The following TRPC7 variants were observed in gnomAD, a reference collection of about 807,000 sequenced individuals.
TRPC7 encodes the protein transient receptor potential cation channel subfamily C member 7, also known as short transient receptor potential channel 7.
In TRPC7, 42 loss-of-function variants were observed where a neutral mutation model predicts 90.1. The observed-to-expected ratio is 0.47, with a 90% CI of 0.36 to 0.60. The LOEUF is 0.60. Ranked by LOEUF, TRPC7 falls within the 20% of genes least tolerant of loss-of-function variation. The pLI is 0.00. For synonymous variants in TRPC7, 451 were observed against 436.3 expected, an observed-to-expected ratio of 1.03 and a Z score of -0.42; for missense variants, 955 against 1,112.3, an observed-to-expected ratio of 0.86 and a Z score of 2.01.
At chr5:136,309,285 C>A (rs888504048) in intron 3 of TRPC7, among the ~76,000 whole-genome samples, 5 of 152,138 alleles carry the variant, frequency 3.3e-5, no homozygotes, top group Non-Finnish European at 7.3e-5. Flanking sequence ...AGATCTTTCA[C>A]TTTTATTAAA....
At chr5:136,323,965 AT>A (rs1405260398) in intron 2 of TRPC7, among the ~76,000 whole-genome samples, 1 of 152,114 alleles carries the variant, frequency 6.6e-6, no homozygotes, top group East Asian at 1.9e-4. Flanking sequence ...TACTTCTCTT[AT>A]TTAGGTGTTC....
At chr5:136,356,315 A>G (rs1444953438) in intron 2 of TRPC7, among the ~76,000 whole-genome samples, 1 of 152,250 alleles carries the variant, frequency 6.6e-6, no homozygotes, top group Non-Finnish European at 1.5e-5. Flanking sequence ...AGGCATTGAC[A>G]TCAGAACCAC....
At chr5:136,234,822 G>A (rs1755936419) in intron 7 of TRPC7, among the ~76,000 whole-genome samples, 1 of 152,200 alleles carries the variant, frequency 6.6e-6, no homozygotes, top group Non-Finnish European at 1.5e-5. Context: ...TGGACTAACT[G>A]AATAGACTAA....
intron 3 of TRPC7, among the ~76,000 whole-genome samples, chr5:136,294,552 C>G (rs914977829): frequency 9.9e-5 from 15 of 152,048 alleles, no homozygotes; most frequent in Admixed American, 5.9e-4. Flanking sequence ...CTCATCATCC[C>G]TGGCCATCAG....
At chr5:136,327,248 G>C (rs189394371) in intron 2 of TRPC7, among the ~76,000 whole-genome samples, 2 of 152,250 alleles carry the variant, frequency 1.3e-5, no homozygotes, top group African/African-American at 4.8e-5. Flanking sequence ...AGAGATAATG[G>C]GTGATATAAT....
chr5:136,266,161 T>A, intron 5 of TRPC7, 59 bp downstream of exon 5: 1 of 1,476,832 alleles, frequency 6.8e-7, no homozygotes, highest in African/African-American at 1.4e-5. Context: ...GAAATCAGAG[T>A]TTAATAATGT....
At chr5:136,290,390 T>C (rs2149823945) in intron 3 of TRPC7, among the ~76,000 whole-genome samples, 1 of 152,116 alleles carries the variant, frequency 6.6e-6, no homozygotes, top group East Asian at 1.9e-4. Flanking sequence ...GTTAAAACTT[T>C]GAAAAAAAAT....
rs550087002 is a variant in TRPC7 at position 136,274,949 on chromosome 5, G to T, written c.964-112C>A. On this transcript the variant is annotated intron_variant, in intron 3 of 11. Transcript: ENST00000513104. ...CTGGGGGCTGAAATGCTCCACCTGG[G>T]GGGTGGTTGAGGAACCTGCAGTGGG... The T allele has an allele frequency of 6.0e-4, 777 of 1,289,174 alleles. 1 individual carries two copies. The highest frequency in any genetic ancestry group is 7.4e-4 in the Non-Finnish European group (712 of 962,120). The allele number at this position is 1,289,174 out of a possible 1,614,324, so 79.9% of individuals were successfully genotyped here. A position where few individuals can be genotyped will look rare whatever the true frequency, so the allele number is the denominator to read the frequency against.
Position 136,365,420 on chromosome 5 carries a change from G to T in TRPC7, c.-166C>A, listed in dbSNP as rs1581002948. The T allele has an allele frequency of 2.9e-6, 2 of 700,838 alleles. No homozygotes were observed. Among genetic ancestry groups the T allele is most frequent in the East Asian group, 2.7e-5 (1 of 36,984 alleles). 43.4% of individuals were successfully genotyped at this position (700,838 alleles called of 1,614,324 possible). A position where few individuals can be genotyped will look rare whatever the true frequency, so the allele number is the denominator to read the frequency against. Reference sequence around the variant, plus strand: ...TTAAGTTGCAACGATGTGAAAGCGCGCTCCTCTGTTCTTTGTGTTGCAGTG... The same window carrying T: ...TTAAGTTGCAACGATGTGAAAGCGCTCTCCTCTGTTCTTTGTGTTGCAGTG... On this transcript the variant is annotated 5_prime_UTR_variant, in exon 1 of 12. Coordinates refer to ENST00000513104, the MANE Select transcript of TRPC7 (RefSeq NM_020389.3).
intron 7 of TRPC7, among the ~76,000 whole-genome samples, chr5:136,234,034 C>T (rs905878671): frequency 6.6e-6 from 1 of 152,146 alleles, no homozygotes; most frequent in African/African-American, 2.4e-5. Context: ...TTTACCTGAC[C>T]CCCGCAGCTC....
At chr5:136,224,652 C>T (rs921545341) in intron 10 of TRPC7, among the ~76,000 whole-genome samples, 1 of 152,168 alleles carries the variant, frequency 6.6e-6, no homozygotes, top group Non-Finnish European at 1.5e-5. Flanking sequence ...TACTCTTGTC[C>T]CCACCTGTCT....
At chr5:136,291,937 A>C (rs1757973216) in intron 3 of TRPC7, among the ~76,000 whole-genome samples, 2 of 152,164 alleles carry the variant, frequency 1.3e-5, no homozygotes, top group African/African-American at 2.4e-5. Flanking sequence ...ATTATAACAA[A>C]CTGTCTCTCA....
At chr5:136,225,486 C>T in intron 9 of TRPC7, 132 bp from the exon 10 acceptor site, 2 of 794,132 alleles carry the variant, frequency 2.5e-6, no homozygotes, top group Middle Eastern at 2.4e-4. Context: ...GCTGATTTAC[C>T]TGGTGCTGCT....
chr5:136,317,159 A>G (rs1351487853), intron 2 of TRPC7, among the ~76,000 whole-genome samples: 3 of 152,168 alleles, frequency 2.0e-5, no homozygotes, highest in Admixed American at 1.3e-4. Flanking sequence ...AGTTTCAGAA[A>G]TTCTGGGTGG....
At chr5:136,278,141 G>C (rs1757424773) in intron 3 of TRPC7, among the ~76,000 whole-genome samples, 1 of 152,224 alleles carries the variant, frequency 6.6e-6, no homozygotes, top group African/African-American at 2.4e-5. Flanking sequence ...TGGAAAGGCT[G>C]ACTCTGCCCC....
At chr5:136,275,415 G>C (rs989344721) in intron 3 of TRPC7, among the ~76,000 whole-genome samples, 17 of 151,750 alleles carry the variant, frequency 1.1e-4, no homozygotes, top group Non-Finnish European at 2.5e-4. Context: ...CTTTACCTAT[G>C]TAGTCTAAGG....
intron 2 of TRPC7, among the ~76,000 whole-genome samples, chr5:136,345,393 TAAAAATAC>T (rs1243293110): frequency 5.9e-5 from 9 of 151,976 alleles, no homozygotes; most frequent in African/African-American, 2.2e-4. Flanking sequence ...CCGTCTCTAC[TAAAAATAC>T]AAAAATACAA....
intron 4 of TRPC7, among the ~76,000 whole-genome samples, chr5:136,267,765 T>G (rs1757081191): frequency 6.6e-6 from 1 of 152,238 alleles, no homozygotes; most frequent in South Asian, 2.1e-4. Flanking sequence ...TTTAAAAATC[T>G]AGGTTTTAAA....
At chr5:136,229,846 T>C (rs1415918030) in intron 8 of TRPC7, among the ~76,000 whole-genome samples, 1 of 152,100 alleles carries the variant, frequency 6.6e-6, no homozygotes, top group East Asian at 1.9e-4. Context: ...AAAGTCCCAT[T>C]TCAGATCTTC....
Sources: gnomAD v4.1 joint callset for allele counts (sites outside exome capture counted in the v4.1 genomes callset) on GRCh38, gnomAD v4.1.1 for gene constraint, MANE v1.5 for transcripts, NCBI Gene and HGNC (gene_info 2026-07-23, HGNC 2026-07-21) for gene names.